The following TMEM144 variants were observed in gnomAD, a reference collection of about 807,000 sequenced individuals.
TMEM144 encodes transmembrane protein 144.
A neutral mutation model predicts 43.6 loss-of-function variants in TMEM144; 39 were observed. That is an observed-to-expected ratio of 0.90 (90% confidence interval 0.69 to 1.17). The LOEUF (loss-of-function observed/expected upper bound fraction) is 1.17, where lower values mean the gene tolerates loss of function less well. TMEM144 is among the 50% of genes most tolerant of loss of function. The probability of loss-of-function intolerance (pLI) is 0.00; values close to 1 mark genes in which losing one functional copy is unlikely to be tolerated. For missense variants in TMEM144, 417 were observed against 411.9 expected (o/e 1.01, Z -0.11); for synonymous variants, 154 against 133.6 (o/e 1.15, Z -1.06).
At chr4:158,226,756 G>A (rs1302350035) in intron 6 of TMEM144, among the ~76,000 whole-genome samples, 3 of 151,640 alleles carry the variant, frequency 2.0e-5, no homozygotes, top group Non-Finnish European at 4.4e-5. Context: ...AACTTTCGCC[G>A]ACAATTCTTT....
intron 7 of TMEM144, chr4:158,234,324 A>C (rs1433007988): frequency 1.3e-5 from 2 of 151,906 alleles, no homozygotes; most frequent in Non-Finnish European, 2.9e-5. Flanking sequence ...TGAGTTCAGG[A>C]GTTCAAGACC....
chr4:158,255,337 T>C lies in TMEM144; in HGVS notation c.*1810T>C, dbSNP rs907742286. ...GAATTTTATATTGGATAACTTTTAA[T>C]TATTCTTTAGTTGGGATTTCCAATT... On this transcript the variant is annotated 3_prime_UTR_variant, in exon 13 of 13. Transcript: ENST00000296529. The C allele has an allele frequency of 2.0e-5, 3 of 151,568 alleles. No individual in the cohort carries two copies. The South Asian group carries it at 6.2e-4, about 31-fold the overall frequency. 9.4% of individuals were successfully genotyped at this position (151,568 alleles called of 1,614,324 possible). A position where few individuals can be genotyped will look rare whatever the true frequency, so the allele number is the denominator to read the frequency against.
chr4:158,247,992 A>G (rs1735978946), intron 12 of TMEM144, among the ~76,000 whole-genome samples: 1 of 151,886 alleles, frequency 6.6e-6, no homozygotes, highest in East Asian at 1.9e-4. Flanking sequence ...TAGCTAGGCC[A>G]GTTTTCTTAT....
At chr4:158,215,139 A>G in intron 3 of TMEM144, 52 bp from the exon 4 acceptor site, 3 of 1,610,858 alleles carry the variant, frequency 1.9e-6, no homozygotes, top group Non-Finnish European at 8.5e-7. Flanking sequence ...TCCTGAGCAC[A>G]AATTTACTCA....
At position 158,219,407 on chromosome 4, in the gene TMEM144, A is replaced by T; in HGVS notation, c.413+17A>T. The T allele has an allele frequency of 1.2e-6, 2 of 1,609,034 alleles. No individual in the cohort carries two copies. Among genetic ancestry groups the T allele is most frequent in the South Asian group, 2.2e-5 (2 of 90,678 alleles). On this transcript the variant is annotated intron_variant, in intron 6 of 12. Coordinates refer to ENST00000296529, the MANE Select transcript of TMEM144 (RefSeq NM_018342.5). ...AGTAGTAAGGTACACAGTCATTTCTAGTGATTTTGCTGTTCTTCAAAACAT... is the reference window on the plus strand; with the variant it reads ...AGTAGTAAGGTACACAGTCATTTCTTGTGATTTTGCTGTTCTTCAAAACAT...
rs1200279793 is a variant in TMEM144, at chr4:158,230,454, T to G, written c.414-2447T>G. Among the ~76,000 whole-genome samples the G allele has an allele frequency of 2.6e-5, 4 of 152,138 alleles. No homozygotes were observed. The East Asian group carries it at 7.7e-4, about 29-fold the overall frequency. ...GGTCCCACCCATCCTATCTGTAGCT[T>G]TCAAGTGTTTTCTAACATATCATTC... On this transcript the variant is annotated intron_variant, in intron 6 of 12. Transcript: ENST00000296529.
At chr4:158,244,174 G>A (rs1735764202) in intron 11 of TMEM144, 122 bp from the exon 12 acceptor site, 1 of 553,512 alleles carries the variant, frequency 1.8e-6, no homozygotes, top group Admixed American at 3.9e-5. Flanking sequence ...TGGAGTTAGG[G>A]TTGATATTAT....
intron 11 of TMEM144, 137 bp from the exon 12 acceptor site, chr4:158,244,159 T>C: frequency 2.3e-6 from 1 of 434,868 alleles, no homozygotes; most frequent in Admixed American, 4.4e-5. Context: ...AAGTTTAGCT[T>C]AGTGTGGAGT....
chr4:158,215,140 A>T, intron 3 of TMEM144, 51 bp from the exon 4 acceptor site: 1 of 1,611,172 alleles, frequency 6.2e-7, no homozygotes, highest in African/African-American at 1.3e-5. Flanking sequence ...CCTGAGCACA[A>T]ATTTACTCAA....
intron 10 of TMEM144, 58 bp from the exon 11 acceptor site, chr4:158,241,451 T>C (rs958832809): frequency 7.9e-7 from 1 of 1,270,088 alleles, no homozygotes; most frequent in Non-Finnish European, 1.1e-6. Context: ...TGTAGCTCAG[T>C]GTGAGTTCTT....
At chr4:158,210,903 G>A (rs1733925868) in intron 1 of TMEM144, 1 of 152,064 alleles carries the variant, frequency 6.6e-6, no homozygotes, top group Admixed American at 6.5e-5. Flanking sequence ...ACTAATAAAT[G>A]AAACAAAAGT....
intron 8 of TMEM144, among the ~76,000 whole-genome samples, chr4:158,236,308 G>A (rs967131826): frequency 6.6e-6 from 1 of 152,068 alleles, no homozygotes; most frequent in Non-Finnish European, 1.5e-5. Flanking sequence ...ACATTTGGAA[G>A]AAATAAATAT....
At chr4:158,226,211 C>A (rs1272461011) in intron 6 of TMEM144, among the ~76,000 whole-genome samples, 1 of 152,156 alleles carries the variant, frequency 6.6e-6, no homozygotes, top group Admixed American at 6.5e-5. Flanking sequence ...ACCAGATAAG[C>A]TAAATTTTAC....
intron 3 of TMEM144, 46 bp from the exon 4 acceptor site, chr4:158,215,145 A>G: frequency 6.2e-7 from 1 of 1,611,392 alleles, no homozygotes; most frequent in Non-Finnish European, 8.5e-7. Flanking sequence ...GCACAAATTT[A>G]CTCAATTCAA....
At chr4:158,237,286 A>G (rs1735398719) in intron 8 of TMEM144, 2 of 406,180 alleles carry the variant, frequency 4.9e-6, no homozygotes, top group South Asian at 1.1e-4. Context: ...TTTAATTTCT[A>G]TAAATCATGT....
Position 158,237,714 on chromosome 4 carries a change from G to A in TMEM144, c.682+71G>A. 3 of 1,084,090 alleles carry A rather than the reference G, an allele frequency of 2.8e-6. No individual in the cohort carries two copies. The South Asian group carries it at 4.7e-5, about 17-fold the overall frequency. The allele number at this position is 1,084,090 out of a possible 1,614,324, so 67.2% of individuals were successfully genotyped here. On this transcript the variant is annotated intron_variant, in intron 9 of 12. Transcript: ENST00000296529. Reference sequence around the variant, plus strand: ...GAATATAAAAAGAATTGTGATAATAGTAAATATTGATGGGTCGATTCGATC... The same window carrying A: ...GAATATAAAAAGAATTGTGATAATAATAAATATTGATGGGTCGATTCGATC...
chr4:158,250,662 C>A (rs1053357958), intron 12 of TMEM144, among the ~76,000 whole-genome samples: 1 of 152,200 alleles, frequency 6.6e-6, no homozygotes, highest in Non-Finnish European at 1.5e-5. Context: ...AAATGAGTCT[C>A]CCTAAGCCTA....
chr4:158,248,091 GAAGA>G (rs1735983290), intron 12 of TMEM144, among the ~76,000 whole-genome samples: 2 of 130,042 alleles, frequency 1.5e-5, no homozygotes, highest in Non-Finnish European at 3.2e-5. Context: ...AGTATTAAAA[GAAGA>G]GAGAGGGCCA....
intron 12 of TMEM144, among the ~76,000 whole-genome samples, chr4:158,252,333 C>G (rs951386496): frequency 5.3e-5 from 8 of 152,124 alleles, no homozygotes; most frequent in Non-Finnish European, 1.0e-4. Context: ...GCATTTCTTC[C>G]TCACCCTTCA....
Sources: gnomAD v4.1 joint callset for allele counts (sites outside exome capture counted in the v4.1 genomes callset) on GRCh38, gnomAD v4.1.1 for gene constraint, MANE v1.5 for transcripts, NCBI Gene and HGNC (gene_info 2026-07-23, HGNC 2026-07-21) for gene names.